The following ZNF33A variants were observed in gnomAD, a reference collection of about 807,000 sequenced individuals.
ZNF33A encodes zinc finger protein 33A, also known as brain my041 protein.
A neutral mutation model predicts 15.9 loss-of-function variants in ZNF33A; 9 were observed. That is an observed-to-expected ratio of 0.57 (90% CI 0.34 to 0.99). The LOEUF is 0.99. Ranked by LOEUF, ZNF33A falls within the 50% of genes least tolerant of loss-of-function variation. The pLI is 0.02. For missense variants in ZNF33A, 843 were observed against 941.6 expected, an observed-to-expected ratio of 0.90 and a Z score of 1.37; for synonymous variants, 294 against 324.2, an observed-to-expected ratio of 0.91 and a Z score of 1.00.
rs2066499203 is a variant in ZNF33A at position 38,056,621 on chromosome 10, A to G, written c.*61A>G. The G allele has an allele frequency of 2.7e-6, 4 of 1,498,922 alleles. No homozygotes were observed. The highest frequency in any genetic ancestry group is 2.8e-5 in the African/African-American group (2 of 71,654). 92.9% of individuals were successfully genotyped at this position (1,498,922 alleles called of 1,614,324 possible). ...ATAGTAGGGGATAAACCCATAGACT[A>G]CAACAATTATAGGACAGCTTTTGTT... On this transcript the variant is annotated 3_prime_UTR_variant, in exon 5 of 5. Coordinates refer to ENST00000432900, the MANE Select transcript of ZNF33A (RefSeq NM_006954.2).
At chr10:38,013,723 T>C (rs145590943) in intron 2 of ZNF33A, among the ~76,000 whole-genome samples, 1 of 152,302 alleles carries the variant, frequency 6.6e-6, no homozygotes, top group East Asian at 1.9e-4. Flanking sequence ...CCCAAAGTGC[T>C]AGGATTGTGT....
At chr10:38,023,168 A>C (rs950591615) in intron 4 of ZNF33A, among the ~76,000 whole-genome samples, 2 of 151,796 alleles carry the variant, frequency 1.3e-5, no homozygotes, top group Admixed American at 1.3e-4. Flanking sequence ...CTGTTCTCCA[A>C]CTCCTGACCT....
At chr10:38,030,253 C>T (rs1047137811) in intron 4 of ZNF33A, among the ~76,000 whole-genome samples, 3 of 152,166 alleles carry the variant, frequency 2.0e-5, no homozygotes, top group African/African-American at 7.2e-5. Context: ...CACTGTTAGA[C>T]ATTTATCCTT....
intron 4 of ZNF33A, among the ~76,000 whole-genome samples, chr10:38,024,175 A>AAAAAAAAAAAAAAG (rs1564841335): frequency 1.2e-4 from 18 of 144,732 alleles, no homozygotes; most frequent in East Asian, 2.0e-4. Context: ...AAAAAAAAAA[A>AAAAAAAAAAAAAAG]AAAAAAGAAA....
In ZNF33A at chr10:38,056,758, A is replaced by G. The variant is rs1179740642; in HGVS notation, c.*198A>G. Reference sequence around the variant, plus strand: ...AAAAATGCAAATAAGGTTATGTTAGAATTTACACTGAGGAGAAAATTGTCA... The same window carrying G: ...AAAAATGCAAATAAGGTTATGTTAGGATTTACACTGAGGAGAAAATTGTCA... On this transcript the variant is annotated 3_prime_UTR_variant, in exon 5 of 5. Coordinates refer to ENST00000432900, the MANE Select transcript of ZNF33A (RefSeq NM_006954.2). 4.9e-6 allele frequency: 6 copies of G among 1,236,462 alleles called. No individual in the cohort carries two copies. The highest frequency in any genetic ancestry group is 6.1e-6 in the Non-Finnish European group (6 of 989,922). 76.6% of individuals were successfully genotyped at this position (1,236,462 alleles called of 1,614,324 possible).
downstream of ZNF33A, among the ~76,000 whole-genome samples, chr10:38,067,291 G>C (rs2066717232): frequency 6.6e-6 from 1 of 152,102 alleles, no homozygotes; most frequent in Non-Finnish European, 1.5e-5. Flanking sequence ...GCTTAGCCCA[G>C]CTTGTCTTTT....
chr10:38,018,160 A>T (rs2064555272), intron 4 of ZNF33A, among the ~76,000 whole-genome samples: 1 of 152,330 alleles, frequency 6.6e-6, no homozygotes, highest in African/African-American at 2.4e-5. Flanking sequence ...ACCTATATGT[A>T]TATGTATATT....
In ZNF33A at chr10:38,012,326, C is replaced by A. The variant is rs2064222043; in HGVS notation, c.-16C>A. 6.2e-7 allele frequency: 1 copy of A among 1,613,410 alleles called. No individual in the cohort carries two copies. Among genetic ancestry groups the A allele is most frequent in the East Asian group, 2.2e-5 (1 of 44,878 alleles). ...TATCTTCAGAGTTGTCTCCGTCTTTCCAAGAACAGAACAAAATGAACAAGG... is the reference window on the plus strand; with the variant it reads ...TATCTTCAGAGTTGTCTCCGTCTTTACAAGAACAGAACAAAATGAACAAGG... On this transcript the variant is annotated 5_prime_UTR_variant, in exon 2 of 5. Coordinates refer to ENST00000432900, the MANE Select transcript of ZNF33A (RefSeq NM_006954.2).
chr10:38,022,347 A>G (rs993172557), intron 4 of ZNF33A, among the ~76,000 whole-genome samples: 1 of 152,166 alleles, frequency 6.6e-6, no homozygotes, highest in Non-Finnish European at 1.5e-5. Context: ...CTTGTCAACA[A>G]CTTTATGTTT....
chr10:38,025,940 T>A (rs1051021322), intron 4 of ZNF33A, among the ~76,000 whole-genome samples: 2 of 152,158 alleles, frequency 1.3e-5, no homozygotes, highest in Non-Finnish European at 2.9e-5. Flanking sequence ...CATTCCCCCC[T>A]CCTGCCAGCC....
At chr10:38,064,182 G>A (rs546139593), downstream of ZNF33A, 6 of 1,483,584 alleles carry the variant, frequency 4.0e-6, no homozygotes, top group Admixed American at 1.1e-4. Flanking sequence ...GAAGATCCAT[G>A]GCCTTCCCTT....
intron 2 of ZNF33A, among the ~76,000 whole-genome samples, chr10:38,014,368 G>A (rs1188276083): frequency 6.6e-6 from 1 of 152,116 alleles, no homozygotes; most frequent in Non-Finnish European, 1.5e-5. Context: ...TACAGAAGAA[G>A]TTTACCAATC....
At chr10:38,047,325 T>C (rs1482800889) in intron 4 of ZNF33A, among the ~76,000 whole-genome samples, 1 of 149,766 alleles carries the variant, frequency 6.7e-6, no homozygotes, top group East Asian at 2.0e-4. Context: ...AAAAAACATA[T>C]GTGAAAAATA....
At chr10:38,064,101 T>C (rs768007269), downstream of ZNF33A, 3 of 1,597,820 alleles carry the variant, frequency 1.9e-6, no homozygotes, top group South Asian at 3.3e-5. Context: ...CCTGAGATGC[T>C]CATGCCCTTG....
At chr10:38,052,973 A>G (rs2066276888) in intron 4 of ZNF33A, among the ~76,000 whole-genome samples, 1 of 151,570 alleles carries the variant, frequency 6.6e-6, no homozygotes, top group South Asian at 2.1e-4. Flanking sequence ...AATAACATAT[A>G]TACTATATTA....
rs753082228 is a variant in ZNF33A, at chr10:38,017,005, T to C, written c.144T>C (p.Leu48=). The C allele has an allele frequency of 5.6e-6, 9 of 1,605,008 alleles. No homozygotes were observed. The highest frequency in any genetic ancestry group is 7.6e-6 in the Non-Finnish European group (9 of 1,177,158). Residue 48 remains leucine (L), a synonymous_variant, in exon 3 of 5, where the codon CTT becomes CTC. Transcript: ENST00000432900. ...RDVMLENYSN[L]VSVGYCVHKP... ...TGATGCTGGAGAACTACAGCAACCT[T>C]GTCTCAGTGGGTAAGGTCTGTTCAC...
chr10:38,047,214 G>GAATAAC (rs1441685734), intron 4 of ZNF33A, among the ~76,000 whole-genome samples: 1 of 59,988 alleles, frequency 1.7e-5, no homozygotes, highest in Non-Finnish European at 3.3e-5. Context: ...AAAAAAAAAA[G>GAATAAC]AATAACACAT....
Position 38,010,740 on chromosome 10 carries a change from C to G in ZNF33A, c.-88C>G. On this transcript the variant is annotated 5_prime_UTR_variant, in exon 1 of 5. Transcript: ENST00000432900. ...GAGGCGGTCCCGGGATTTCAAGGGT[C>G]TACGCGCTTTTCTATGGCGAATGCA... 1 of 1,598,450 alleles carries G rather than the reference C, an allele frequency of 6.3e-7. No homozygotes were observed. The highest frequency in any genetic ancestry group is 8.5e-7 in the Non-Finnish European group (1 of 1,179,818).
At chr10:38,065,701 C>T (rs548878182), downstream of ZNF33A, among the ~76,000 whole-genome samples, 30 of 151,772 alleles carry the variant, frequency 2.0e-4, no homozygotes, top group South Asian at 4.4e-3. Flanking sequence ...CCATGTCTTC[C>T]CATGGGACAC....
Sources: allele counts gnomAD v4.1 joint callset (sites outside exome capture counted in the v4.1 genomes callset), GRCh38; gene constraint gnomAD v4.1.1; transcripts MANE v1.5; gene names NCBI Gene and HGNC (gene_info 2026-07-23, HGNC 2026-07-21).